The following STRN3 variants were observed in gnomAD, a reference collection of about 807,000 sequenced individuals.
STRN3 encodes the protein striatin-3.
In STRN3, 29 loss-of-function variants were observed where a neutral mutation model predicts 95.6. The observed-to-expected ratio is 0.30, with a 90% CI of 0.23 to 0.41. STRN3 has a LOEUF of 0.41. STRN3 is among the 10% of genes least tolerant of loss of function. STRN3 has a pLI of 1.00. For synonymous variants in STRN3, 331 were observed against 357.6 expected, an observed-to-expected ratio of 0.93 and a Z score of 0.84; for missense variants, 890 against 972.1, an observed-to-expected ratio of 0.92 and a Z score of 1.12.
chr14:30,926,594 C>G (rs1897035360), intron 8 of STRN3, among the ~76,000 whole-genome samples: 1 of 151,500 alleles, frequency 6.6e-6, no homozygotes, highest in South Asian at 2.1e-4. Context: ...TATAATACTT[C>G]TTATATTATC....
chr14:30,952,079 C>G (rs1486307187), intron 3 of STRN3, among the ~76,000 whole-genome samples: 1 of 151,438 alleles, frequency 6.6e-6, no homozygotes, highest in East Asian at 1.9e-4. Flanking sequence ...GATTGCACCA[C>G]TGCACTACAG....
At chr14:31,007,731 A>G (rs1281784487) in intron 1 of STRN3, among the ~76,000 whole-genome samples, 1 of 151,948 alleles carries the variant, frequency 6.6e-6, no homozygotes, top group Non-Finnish European at 1.5e-5. Flanking sequence ...ACAAGACTCC[A>G]TCTCTACAAA....
chr14:31,013,863 T>TTTTTTATTATTA (rs1462314709), intron 1 of STRN3, among the ~76,000 whole-genome samples: 97 of 81,044 alleles, frequency 1.2e-3, no homozygotes, highest in Non-Finnish European at 2.5e-3. Flanking sequence ...TCAAAGCAAT[T>TTTTTTATTATTA]TTATTATTAT....
intron 3 of STRN3, among the ~76,000 whole-genome samples, chr14:30,954,547 T>G (rs1357571031): frequency 6.6e-6 from 1 of 152,192 alleles, no homozygotes; most frequent in Non-Finnish European, 1.5e-5. Context: ...CCACTAAACA[T>G]CCTGAAGAAT....
At chr14:30,914,264 T>C (rs1180203682) in intron 9 of STRN3, among the ~76,000 whole-genome samples, 3 of 152,206 alleles carry the variant, frequency 2.0e-5, no homozygotes, top group Non-Finnish European at 4.4e-5. Flanking sequence ...GTAACAGCAA[T>C]GGTCTAGGAA....
intron 4 of STRN3, among the ~76,000 whole-genome samples, 167 bp downstream of exon 4, chr14:30,950,696 G>A (rs1879595117): frequency 6.6e-6 from 1 of 152,094 alleles, no homozygotes; most frequent in Non-Finnish European, 1.5e-5. Flanking sequence ...CTGAAACTCA[G>A]AGGAAACAAA....
chr14:31,022,101 C>A (rs1262193716), intron 1 of STRN3, among the ~76,000 whole-genome samples: 2 of 152,044 alleles, frequency 1.3e-5, no homozygotes, highest in Non-Finnish European at 2.9e-5. Context: ...CACTGTCGGC[C>A]GGGCGCGGTG....
intron 1 of STRN3, chr14:31,018,804 A>T (rs528708713): frequency 2.2e-6 from 1 of 448,784 alleles, no homozygotes. Flanking sequence ...TTCAGAACTC[A>T]GTAACTTCAA....
intron 1 of STRN3, among the ~76,000 whole-genome samples, chr14:30,980,019 G>A (rs1471075417): frequency 6.6e-6 from 1 of 151,954 alleles, no homozygotes; most frequent in African/African-American, 2.4e-5. Flanking sequence ...GGAGGCCAAG[G>A]TGGGCGGATC....
At position 30,911,162 on chromosome 14, in the gene STRN3, G is replaced by A. The variant is rs777946897; in HGVS notation, c.1599C>T (p.Ile533=). The change falls in exon 13 of 18, where the codon ATC becomes ATT. Residue 533 remains isoleucine (I), a splice_region_variant and synonymous_variant. Coordinates refer to ENST00000357479, the MANE Select transcript of STRN3 (RefSeq NM_001083893.2). Reference sequence around the variant, plus strand: ...TAATAGCTAATGACAGAACAGGGCCGCTATTGTAGGAAGAGAGGAAAAACA... The same window carrying A: ...TAATAGCTAATGACAGAACAGGGCCACTATTGTAGGAAGAGAGGAAAAACA... ...VEPIYTFRAH[I]GPVLSLAISS... 42 of 1,609,348 alleles carry A rather than the reference G, an allele frequency of 2.6e-5. No homozygotes were observed. The highest frequency in any genetic ancestry group is 6.7e-5 in the South Asian group (6 of 89,694).
At chr14:30,921,292 T>C (rs1566436512) in intron 8 of STRN3, among the ~76,000 whole-genome samples, 1 of 152,126 alleles carries the variant, frequency 6.6e-6, no homozygotes, top group African/African-American at 2.4e-5. Context: ...ATGTGAAACA[T>C]AATAAAGGCT....
chr14:30,953,999 T>C (rs1171976590), intron 3 of STRN3, among the ~76,000 whole-genome samples: 1 of 152,166 alleles, frequency 6.6e-6, no homozygotes, highest in Non-Finnish European at 1.5e-5. Context: ...TATCAATATA[T>C]AATCCTAACA....
chr14:30,905,610 A>G (rs1896441743), intron 14 of STRN3, 52 bp from the exon 15 acceptor site: 1 of 1,539,970 alleles, frequency 6.5e-7, no homozygotes, highest in Non-Finnish European at 8.7e-7. Context: ...TTACTATGAA[A>G]TCTCTACTTT....
intron 1 of STRN3, among the ~76,000 whole-genome samples, chr14:30,985,509 C>A (rs553081024): frequency 6.6e-6 from 1 of 151,498 alleles, no homozygotes; most frequent in South Asian, 2.1e-4. Context: ...GAGGCTGAGG[C>A]AGGAGAACCA....
chr14:30,950,781 ATTT>A, intron 4 of STRN3, 79 bp downstream of exon 4: 2 of 1,305,264 alleles, frequency 1.5e-6, no homozygotes, highest in Non-Finnish European at 2.2e-6. Flanking sequence ...TCCCAATATG[ATTT>A]TTTACTTGTA....
intron 5 of STRN3, among the ~76,000 whole-genome samples, chr14:30,945,464 G>T (rs1047325980): frequency 3.9e-5 from 6 of 152,070 alleles, no homozygotes; most frequent in African/African-American, 1.4e-4. Flanking sequence ...AATTAGTCAG[G>T]CATGGTGTTG....
chr14:30,997,028 A>C (rs903835134), intron 1 of STRN3, among the ~76,000 whole-genome samples: 1 of 152,166 alleles, frequency 6.6e-6, no homozygotes, highest in Non-Finnish European at 1.5e-5. Context: ...AAAAAACCTA[A>C]ATGTGAAAGC....
intron 13 of STRN3, among the ~76,000 whole-genome samples, chr14:30,910,114 A>C (rs1896568975): frequency 6.6e-6 from 1 of 152,174 alleles, no homozygotes; most frequent in Non-Finnish European, 1.5e-5. Flanking sequence ...TTAAAACCTT[A>C]CATTTATCAG....
intron 13 of STRN3, among the ~76,000 whole-genome samples, chr14:30,910,715 T>C (rs1255982349): frequency 2.0e-5 from 3 of 152,112 alleles, no homozygotes; most frequent in Non-Finnish European, 4.4e-5. Flanking sequence ...TTAATATTTT[T>C]AAAATATATA....
Sources: allele counts gnomAD v4.1 joint callset (sites outside exome capture counted in the v4.1 genomes callset), GRCh38; gene constraint gnomAD v4.1.1; transcripts MANE v1.5; gene names NCBI Gene and HGNC (gene_info 2026-07-23, HGNC 2026-07-21).